ARHGAP26: variants seen among roughly 807,000 people sequenced by gnomAD.
ARHGAP26 encodes the protein Rho GTPase activating protein 26.
A neutral mutation model predicts 104.8 loss-of-function variants in ARHGAP26; 38 were observed. That is an observed-to-expected ratio of 0.36 (90% CI 0.28 to 0.48). ARHGAP26 has a LOEUF of 0.48. Among genes scored for constraint, ARHGAP26 ranks in the 20% least tolerant of loss-of-function variants. The pLI is 0.99. For missense variants in ARHGAP26, 704 were observed against 947.9 expected (o/e 0.74, Z 3.38); for synonymous variants, 341 against 340.0 (o/e 1.00, Z -0.03).
In ARHGAP26 at chr5:142,804,868, C is replaced by T. The variant is rs145369816; in HGVS notation, c.154+33953C>T. ...TCATTTGTAGTGAATTCTGCTCTCACCATCATGCAACCACTAATCTGTGTT... is the reference window on the plus strand; with the variant it reads ...TCATTTGTAGTGAATTCTGCTCTCATCATCATGCAACCACTAATCTGTGTT... On this transcript the variant is annotated intron_variant, in intron 1 of 22. Coordinates refer to ENST00000645722, the MANE Select transcript of ARHGAP26 (RefSeq NM_001135608.3). Among the ~76,000 whole-genome samples, 317 of 152,276 alleles carry T rather than the reference C, an allele frequency of 2.1e-3. 3 individuals carry two copies. The highest frequency in any genetic ancestry group is 4.4e-3 in the Admixed American group (68 of 15,296).
intron 1 of ARHGAP26, among the ~76,000 whole-genome samples, chr5:142,848,344 G>A (rs774605002): frequency 2.0e-5 from 3 of 152,088 alleles, no homozygotes; most frequent in Non-Finnish European, 2.9e-5. Flanking sequence ...ATCACTCCCC[G>A]GGGTCTTTTA....
chr5:142,953,388 G>T (rs1768704083), intron 11 of ARHGAP26, among the ~76,000 whole-genome samples: 1 of 152,160 alleles, frequency 6.6e-6, no homozygotes. Flanking sequence ...GCCCTGTACG[G>T]TGCAGTGGTT....
intron 17 of ARHGAP26, among the ~76,000 whole-genome samples, chr5:143,106,466 CTTTTT>C (rs70991793): frequency 3.9e-5 from 3 of 77,292 alleles, no homozygotes; most frequent in Non-Finnish European, 6.7e-5. Flanking sequence ...ATGCATTGGG[CTTTTT>C]TTTTTTTTTT....
At chr5:142,809,132 G>A (rs1211717810) in intron 1 of ARHGAP26, among the ~76,000 whole-genome samples, 2 of 152,214 alleles carry the variant, frequency 1.3e-5, no homozygotes, top group African/African-American at 4.8e-5. Context: ...ATTTTATACT[G>A]TAGAAATGTT....
At chr5:143,056,730 C>A (rs1664219385) in intron 16 of ARHGAP26, among the ~76,000 whole-genome samples, 1 of 152,130 alleles carries the variant, frequency 6.6e-6, no homozygotes, top group African/African-American at 2.4e-5. Context: ...AGATTTAAAT[C>A]CAGCATGAAT....
chr5:142,826,221 T>G (rs1018052221), intron 1 of ARHGAP26, among the ~76,000 whole-genome samples: 1 of 152,352 alleles, frequency 6.6e-6, no homozygotes, highest in South Asian at 2.1e-4. Flanking sequence ...TGTCCATTAT[T>G]ATCAGGGAAC....
chr5:143,150,107 A>G (rs148377618), intron 20 of ARHGAP26, among the ~76,000 whole-genome samples: 242 of 152,354 alleles, frequency 1.6e-3, no homozygotes, highest in Middle Eastern at 0.01. Flanking sequence ...GTGCCAGGGC[A>G]AGGCTGCTGG....
intron 20 of ARHGAP26, among the ~76,000 whole-genome samples, chr5:143,148,377 T>C (rs754120021): frequency 2.0e-5 from 3 of 152,146 alleles, no homozygotes; most frequent in Non-Finnish European, 2.9e-5. Flanking sequence ...ATCTGCAAAA[T>C]GAGTCTGATA....
At chr5:143,080,274 T>G (rs1208291239) in intron 17 of ARHGAP26, among the ~76,000 whole-genome samples, 2 of 152,228 alleles carry the variant, frequency 1.3e-5, no homozygotes, top group African/African-American at 4.8e-5. Context: ...TGCAGATATT[T>G]GCACATATTC....
intron 1 of ARHGAP26, among the ~76,000 whole-genome samples, chr5:142,873,190 T>C (rs1037694987): frequency 2.6e-5 from 4 of 152,226 alleles, no homozygotes; most frequent in Non-Finnish European, 4.4e-5. Flanking sequence ...AAAGCCAATA[T>C]AACAAAAATA....
rs138650282 is a variant in ARHGAP26 at position 143,224,294 on chromosome 5, G to A, written c.*1848G>A. The A allele has an allele frequency of 2.2e-4, 51 of 231,634 alleles. No individual in the cohort carries two copies. The highest frequency in any genetic ancestry group is 2.4e-4 in the East Asian group (4 of 16,398). 14.3% of individuals were successfully genotyped at this position (231,634 alleles called of 1,614,324 possible). A position where few individuals can be genotyped will look rare whatever the true frequency, so the allele number is the denominator to read the frequency against. ...GAGTCAAGGTCACTGTCCCCGCTTC[G>A]GCCTGAAGGAAAGAGAAGACATTTC... On this transcript the variant is annotated 3_prime_UTR_variant, in exon 23 of 23. Transcript: ENST00000645722.
At chr5:142,875,052 A>AAGGC in intron 2 of ARHGAP26, 58 bp from the exon 3 acceptor site, 2 of 1,443,826 alleles carry the variant, frequency 1.4e-6, no homozygotes, top group South Asian at 2.3e-5. Context: ...CAGAGCTGGA[A>AAGGC]AGGCTCCCCA....
intron 1 of ARHGAP26, among the ~76,000 whole-genome samples, chr5:142,783,796 G>A (rs756287260): frequency 6.6e-6 from 1 of 152,216 alleles, no homozygotes; most frequent in Non-Finnish European, 1.5e-5. Flanking sequence ...AATTAGTGCT[G>A]CTTTCACTCT....
At position 143,223,490 on chromosome 5, in the gene ARHGAP26, G is replaced by T; in HGVS notation, c.*1044G>T. ...AAAGGGTAAGATGCTGCCTCCCAATGGGTGATGCCATCTGACTGGTTTCCC... is the reference window on the plus strand; with the variant it reads ...AAAGGGTAAGATGCTGCCTCCCAATTGGTGATGCCATCTGACTGGTTTCCC... On this transcript the variant is annotated 3_prime_UTR_variant, in exon 23 of 23. Coordinates refer to ENST00000645722, the MANE Select transcript of ARHGAP26 (RefSeq NM_001135608.3). 1 of 231,874 alleles carries T rather than the reference G, an allele frequency of 4.3e-6. No individual in the cohort carries two copies. The highest frequency in any genetic ancestry group is 8.6e-6 in the Non-Finnish European group (1 of 116,886). The allele number at this position is 231,874 out of a possible 1,614,324, so 14.4% of individuals were successfully genotyped here. A position where few individuals can be genotyped will look rare whatever the true frequency, so the allele number is the denominator to read the frequency against.
chr5:142,851,071 G>A (rs1751409317), intron 1 of ARHGAP26, among the ~76,000 whole-genome samples: 2 of 150,750 alleles, frequency 1.3e-5, no homozygotes, highest in African/African-American at 4.9e-5. Flanking sequence ...AGTGGATTTT[G>A]TATTTTTGTT....
At chr5:142,969,732 C>G (rs923807311) in intron 11 of ARHGAP26, among the ~76,000 whole-genome samples, 1 of 152,140 alleles carries the variant, frequency 6.6e-6, no homozygotes, top group African/African-American at 2.4e-5. Context: ...AGCTGTGGGT[C>G]CTCTGCTTAG....
chr5:143,179,509 C>A (rs1803993213), intron 20 of ARHGAP26, among the ~76,000 whole-genome samples: 1 of 152,188 alleles, frequency 6.6e-6, no homozygotes, highest in Admixed American at 6.5e-5. Context: ...TCAGAACAGA[C>A]ACTGTGAGCT....
Position 142,885,413 on chromosome 5 carries a change from T to C in ARHGAP26, c.486+14T>C. 2 of 1,600,466 alleles carry C rather than the reference T, an allele frequency of 1.2e-6. No homozygotes were observed. Among genetic ancestry groups the C allele is most frequent in the Non-Finnish European group, 8.6e-7 (1 of 1,169,344 alleles). ...CAGCTTCAGGAGGTAAGAGACTTTA[T>C]TAGTATCCTGAATAAAGTGTTCAAT... On this transcript the variant is annotated intron_variant, in intron 5 of 22. Transcript: ENST00000645722.
chr5:142,781,070 A>G (rs940019389), intron 1 of ARHGAP26, among the ~76,000 whole-genome samples: 1 of 152,124 alleles, frequency 6.6e-6, no homozygotes, highest in Admixed American at 6.5e-5. Context: ...CACTGTTTTG[A>G]GAGGAGGCAG....
Sources: gnomAD v4.1 joint callset for allele counts (sites outside exome capture counted in the v4.1 genomes callset) on GRCh38, gnomAD v4.1.1 for gene constraint, MANE v1.5 for transcripts, NCBI Gene and HGNC (gene_info 2026-07-23, HGNC 2026-07-21) for gene names.